ANO2: variants seen among roughly 807,000 people sequenced by gnomAD.
ANO2 encodes anoctamin-2.
A neutral mutation model predicts 124.2 loss-of-function variants in ANO2; 101 were observed. The observed-to-expected ratio is 0.81, with a 90% CI of 0.69 to 0.96. The LOEUF (loss-of-function observed/expected upper bound fraction) is 0.96. Among genes scored for constraint, ANO2 ranks in the 40% least tolerant of loss-of-function variants. The probability of loss-of-function intolerance (pLI) is 0.00; values close to 1 mark genes in which losing one functional copy is unlikely to be tolerated. For synonymous variants in ANO2, 486 were observed against 482.5 expected (o/e 1.01, Z -0.09); for missense variants, 1,293 against 1,274.5 (o/e 1.01, Z -0.22).
intron 20 of ANO2, among the ~76,000 whole-genome samples, chr12:5,593,354 C>T (rs1489923562): frequency 6.6e-6 from 1 of 152,274 alleles, no homozygotes; most frequent in Admixed American, 6.5e-5. Context: ...GGAACAAAAG[C>T]TTGTGGGTTT....
intron 14 of ANO2, among the ~76,000 whole-genome samples, chr12:5,671,368 T>C (rs1947992823): frequency 6.6e-6 from 1 of 152,118 alleles, no homozygotes; most frequent in African/African-American, 2.4e-5. Context: ...TATTTTAAAG[T>C]GTATTAGCAA....
In ANO2 at chr12:5,808,850, C is replaced by T. The variant is rs192579411; in HGVS notation, c.893-1482G>A. Among the ~76,000 whole-genome samples the T allele has an allele frequency of 3.3e-5, 5 of 152,280 alleles. No homozygotes were observed. In the East Asian group the frequency reaches 9.6e-4, roughly 29 times the overall value. ...CAGACAATCCTCTCCCCTCCATCAG[C>T]CTCCTCTTCCTCAAACCTCGCCCCC... On this transcript the variant is annotated intron_variant, in intron 7 of 24. Coordinates refer to ENST00000682330, the MANE Select transcript of ANO2 (RefSeq NM_001364791.2).
rs779651101 is a variant in ANO2, at chr12:5,921,096, C to G, written c.478G>C (p.Glu160Gln). 10 of 1,613,756 alleles carry G rather than the reference C, an allele frequency of 6.2e-6. No homozygotes were observed. In the African/African-American group the frequency reaches 1.2e-4, roughly 19 times the overall value. Reference sequence around the variant, plus strand: ...TCCATCAGATTGTGCTCAAATTCCTCCCGCTGCTCCTTCCTCTCCTCCTCC... The same window carrying G: ...TCCATCAGATTGTGCTCAAATTCCTGCCGCTGCTCCTTCCTCTCCTCCTCC... The part of the protein sequence containing the change: ...ALEEERKEQR[E>Q]EFEHNLMEAG... The change falls in exon 3 of 25, where the codon GAG (glutamate) becomes CAG (glutamine). Residue 160 changes from glutamate (E) to glutamine (Q), a missense_variant. By Grantham distance (29) the Glu-to-Gln change is conservative. Transcript: ENST00000682330.
rs761555644 is a variant in ANO2 at position 5,739,319 on chromosome 12, C to A, written c.1432G>T (p.Glu478Ter). 28 of 1,598,998 alleles carry A rather than the reference C, an allele frequency of 1.8e-5. No homozygotes were observed. Among genetic ancestry groups the A allele is most frequent in the Middle Eastern group, 1.6e-4 (1 of 6,072 alleles). ...FWDLTGIEEE[E>*]EHSRPEYETK... The stretch of plus-strand genomic sequence containing the variant: ...GAGAAATACGTGAGAGAACTCACTT[C>A]TTCCTCTTCTATGCCAGTCAGGTCC... The change falls in exon 13 of 25, where the codon GAA becomes TAA. Residue 478 changes from glutamate (E) to a stop codon, truncating the protein, a stop_gained and splice_region_variant. Coordinates refer to ENST00000682330, the MANE Select transcript of ANO2 (RefSeq NM_001364791.2). LOFTEE classifies it high-confidence loss of function.
chr12:5,850,790 T>C (rs1251928843), intron 4 of ANO2, among the ~76,000 whole-genome samples: 2 of 152,198 alleles, frequency 1.3e-5, no homozygotes, highest in African/African-American at 4.8e-5. Flanking sequence ...GCACTATCAG[T>C]GCTGGCTGCT....
rs10623130 is a variant in ANO2, at chr12:5,837,293, CT to C, written c.634-4691del. Among the ~76,000 whole-genome samples the C allele has an allele frequency of 3.0e-3, 285 of 95,608 alleles. 2 individuals are homozygous for C. Among genetic ancestry groups the C allele is most frequent in the African/African-American group, 0.01 (252 of 24,468 alleles). The allele number at this position is 95,608 out of a possible 152,430, so 62.7% of individuals were successfully genotyped here. On this transcript the variant is annotated intron_variant, in intron 4 of 24. Transcript: ENST00000682330. ...GCCTGCATTTAGTTGATGCAGATTT[CT>C]TTTTTTTTTTTTTTTTTTATGATTC...
chr12:5,803,090 A>C (rs1953090142), intron 9 of ANO2, among the ~76,000 whole-genome samples: 1 of 152,204 alleles, frequency 6.6e-6, no homozygotes, highest in Admixed American at 6.5e-5. Flanking sequence ...CTGAGGCCAC[A>C]AGCTCCTCAG....
At position 5,563,407 on chromosome 12, in the gene ANO2, G is replaced by A; in HGVS notation, c.2889C>T (p.Ser963=). Residue 963 remains serine, a synonymous_variant, in exon 25 of 25, where the codon AGC becomes AGT. Transcript: ENST00000682330. The part of the protein sequence containing the change: ...LKLMDEPALR[S]PGGGDRSRSR... Reference sequence around the variant, plus strand: ...TCCTGCTTCGATCCCCACCTCCTGGGCTCCTCAGAGCCGGCTCATCCATCA... The same window carrying A: ...TCCTGCTTCGATCCCCACCTCCTGGACTCCTCAGAGCCGGCTCATCCATCA... The A allele has an allele frequency of 6.2e-7, 1 of 1,610,870 alleles. No individual in the cohort carries two copies. Among genetic ancestry groups the A allele is most frequent in the Non-Finnish European group, 8.5e-7 (1 of 1,178,748 alleles).
At chr12:5,704,157 A>C (rs1372675441) in intron 14 of ANO2, among the ~76,000 whole-genome samples, 1 of 152,190 alleles carries the variant, frequency 6.6e-6, no homozygotes, top group Non-Finnish European at 1.5e-5. Flanking sequence ...GGGACTCTTC[A>C]GCATATAATA....
At chr12:5,929,203 C>T (rs1349986121) in intron 1 of ANO2, among the ~76,000 whole-genome samples, 1 of 128,086 alleles carries the variant, frequency 7.8e-6, no homozygotes, top group Non-Finnish European at 1.6e-5. Context: ...TTTCCTCACT[C>T]GTCTACCTTC....
At chr12:5,770,029 A>G (rs1472683638) in intron 10 of ANO2, among the ~76,000 whole-genome samples, 1 of 152,178 alleles carries the variant, frequency 6.6e-6, no homozygotes, top group Non-Finnish European at 1.5e-5. Flanking sequence ...TGGAAGCTTA[A>G]AGGTGAAACA....
intron 16 of ANO2, among the ~76,000 whole-genome samples, chr12:5,618,696 G>A (rs61910091): frequency 0.17 from 26,503 of 152,058 alleles, 2,655 homozygotes; most frequent in Non-Finnish European, 0.22. Flanking sequence ...AACCTGATGC[G>A]CCTAAGAAAT....
intron 3 of ANO2, among the ~76,000 whole-genome samples, chr12:5,873,834 T>C (rs1316755387): frequency 6.6e-6 from 1 of 152,220 alleles, no homozygotes; most frequent in Non-Finnish European, 1.5e-5. Context: ...ATGTGACAAC[T>C]GCACCTGGGA....
intron 15 of ANO2, among the ~76,000 whole-genome samples, chr12:5,640,621 A>G (rs1239409380): frequency 2.0e-5 from 3 of 152,252 alleles, no homozygotes; most frequent in Non-Finnish European, 4.4e-5. Context: ...GACACATGAA[A>G]AAATGCTCAT....
At chr12:5,599,328 A>G (rs927288230) in intron 20 of ANO2, among the ~76,000 whole-genome samples, 156 bp downstream of exon 20, 14 of 152,158 alleles carry the variant, frequency 9.2e-5, no homozygotes, top group Non-Finnish European at 1.3e-4. Context: ...CTCAACTTTC[A>G]TGTGGCACTG....
intron 10 of ANO2, among the ~76,000 whole-genome samples, chr12:5,785,728 C>T (rs1050483621): frequency 3.3e-5 from 5 of 152,054 alleles, no homozygotes; most frequent in African/African-American, 9.7e-5. Flanking sequence ...ACCACCCCTA[C>T]GTGACAACTC....
chr12:5,577,745 T>C (rs1030296481), intron 22 of ANO2, among the ~76,000 whole-genome samples: 1 of 152,242 alleles, frequency 6.6e-6, no homozygotes, highest in Non-Finnish European at 1.5e-5. Context: ...TTTCTTTCTC[T>C]TTGTGAAATT....
At chr12:5,895,586 A>G (rs6489671) in intron 3 of ANO2, among the ~76,000 whole-genome samples, 262 of 152,104 alleles carry the variant, frequency 1.7e-3, no homozygotes, top group African/African-American at 5.2e-3. Context: ...ACAATGAGAT[A>G]CCACCTCACT....
chr12:5,914,884 T>A (rs1377911597), intron 3 of ANO2, among the ~76,000 whole-genome samples: 2 of 152,178 alleles, frequency 1.3e-5, no homozygotes, highest in Non-Finnish European at 2.9e-5. Context: ...GTGACACCCA[T>A]GCATGTGAGT....
Sources: gnomAD v4.1 joint callset for allele counts (sites outside exome capture counted in the v4.1 genomes callset) on GRCh38, gnomAD v4.1.1 for gene constraint, MANE v1.5 for transcripts, NCBI Gene and HGNC (gene_info 2026-07-23, HGNC 2026-07-21) for gene names.